The following TINAG variants were observed in gnomAD, a reference collection of about 807,000 sequenced individuals.
TINAG encodes the protein tubulointerstitial nephritis antigen.
Under a neutral mutation model 72.7 loss-of-function variants are expected in TINAG, and 83 were observed. That is an observed-to-expected ratio of 1.14 (90% CI 0.96 to 1.37). TINAG has a LOEUF of 1.37. TINAG is among the 40% of genes most tolerant of loss of function. The pLI is 0.00. For synonymous variants in TINAG, 234 were observed against 189.9 expected (o/e 1.23, Z -1.91); for missense variants, 685 against 576.6 (o/e 1.19, Z -1.93).
chr6:54,378,323 G>A (rs1191575591), intron 9 of TINAG, among the ~76,000 whole-genome samples: 9 of 152,092 alleles, frequency 5.9e-5, no homozygotes, highest in African/African-American at 1.9e-4. Context: ...CAATGACTTG[G>A]ATAATTGGTT....
chr6:54,368,715 C>A lies in TINAG; in HGVS notation c.1251-11811C>A, dbSNP rs994027115. On this transcript the variant is annotated intron_variant, in intron 9 of 10. Coordinates refer to ENST00000259782, the MANE Select transcript of TINAG (RefSeq NM_014464.4). ...TTCTCAATATTTATGTAGTTATTTTCTTGTTTATTTTTCCAAGTGAGATTA... is the reference window on the plus strand; with the variant it reads ...TTCTCAATATTTATGTAGTTATTTTATTGTTTATTTTTCCAAGTGAGATTA... 4.0e-5 allele frequency among the ~76,000 whole-genome samples: 6 copies of A among 151,490 alleles called. No homozygotes were observed. In the East Asian group the frequency reaches 1.2e-3, roughly 29 times the overall value.
intron 1 of TINAG, among the ~76,000 whole-genome samples, chr6:54,316,271 C>T (rs1784370711): frequency 6.6e-6 from 1 of 152,122 alleles, no homozygotes; most frequent in South Asian, 2.1e-4. Context: ...TTAAGAGATA[C>T]ATCTAAGCTA....
At chr6:54,346,969 A>C (rs1785138065) in intron 5 of TINAG, among the ~76,000 whole-genome samples, 1 of 152,122 alleles carries the variant, frequency 6.6e-6, no homozygotes, top group Non-Finnish European at 1.5e-5. Context: ...TCATTTAGAA[A>C]ATATGTATTT....
At chr6:54,315,084 T>C (rs1356383919) in intron 1 of TINAG, among the ~76,000 whole-genome samples, 1 of 152,196 alleles carries the variant, frequency 6.6e-6, no homozygotes, top group Non-Finnish European at 1.5e-5. Context: ...ATGTATATTA[T>C]TTATGCTATT....
intron 6 of TINAG, 141 bp downstream of exon 6, chr6:54,347,658 A>G (rs1785159066): frequency 5.8e-6 from 5 of 861,498 alleles, no homozygotes; most frequent in Non-Finnish European, 6.8e-6. Context: ...AATATGCTAC[A>G]TTTAAATGTA....
At chr6:54,327,355 G>A (rs1784631774) in intron 4 of TINAG, 2 of 499,746 alleles carry the variant, frequency 4.0e-6, no homozygotes, top group Non-Finnish European at 6.4e-6. Context: ...AGGAGGCTGG[G>A]AACTCCCTCC....
At chr6:54,379,376 C>T (rs1474634984) in intron 9 of TINAG, among the ~76,000 whole-genome samples, 3 of 152,094 alleles carry the variant, frequency 2.0e-5, no homozygotes, top group Non-Finnish European at 2.9e-5. Context: ...ATACCTACCT[C>T]GCTGGATTTA....
chr6:54,361,855 A>C (rs547348954), intron 9 of TINAG, among the ~76,000 whole-genome samples: 4 of 151,860 alleles, frequency 2.6e-5, no homozygotes, highest in Admixed American at 2.6e-4. Context: ...GCTGAAATAG[A>C]AAAAGTTTTA....
At chr6:54,388,490 C>G (rs767044926) in intron 10 of TINAG, among the ~76,000 whole-genome samples, 77 of 152,282 alleles carry the variant, frequency 5.1e-4, no homozygotes, top group Non-Finnish European at 9.3e-4. Flanking sequence ...ATCTGCCCCT[C>G]TCTTACATTG....
At chr6:54,345,487 A>C (rs1452133456) in intron 5 of TINAG, among the ~76,000 whole-genome samples, 2 of 152,142 alleles carry the variant, frequency 1.3e-5, no homozygotes, top group African/African-American at 4.8e-5. Flanking sequence ...AATCCTGGAG[A>C]CCAGGCTTCC....
At chr6:54,355,135 G>T (rs1275340706) in intron 9 of TINAG, among the ~76,000 whole-genome samples, 1 of 151,846 alleles carries the variant, frequency 6.6e-6, no homozygotes, top group African/African-American at 2.4e-5. Context: ...AAAGAAAGAA[G>T]TTCAAAATTT....
At chr6:54,357,684 C>T (rs1763096638) in intron 9 of TINAG, among the ~76,000 whole-genome samples, 1 of 151,904 alleles carries the variant, frequency 6.6e-6, no homozygotes, top group Admixed American at 6.6e-5. Context: ...ATCCAGAACT[C>T]AACCACTGTT....
chr6:54,345,463 GA>G (rs1403181825), intron 5 of TINAG, among the ~76,000 whole-genome samples: 1 of 152,104 alleles, frequency 6.6e-6, no homozygotes, highest in African/African-American at 2.4e-5. Flanking sequence ...CAAAAGATGA[GA>G]AATATCAGAA....
At chr6:54,373,216 A>G (rs1010736964) in intron 9 of TINAG, among the ~76,000 whole-genome samples, 1 of 152,030 alleles carries the variant, frequency 6.6e-6, no homozygotes, top group Non-Finnish European at 1.5e-5. Flanking sequence ...TCCATTTAAT[A>G]TATCTTGTTC....
chr6:54,332,274 A>C (rs531613026), intron 4 of TINAG, among the ~76,000 whole-genome samples: 18 of 152,302 alleles, frequency 1.2e-4, no homozygotes, highest in African/African-American at 4.1e-4. Context: ...ACATATATAC[A>C]GACAAATGGA....
chr6:54,382,411 C>T (rs1384998224), intron 10 of TINAG, among the ~76,000 whole-genome samples: 2 of 151,918 alleles, frequency 1.3e-5, no homozygotes, highest in East Asian at 3.9e-4. Context: ...ATTGAATGAG[C>T]AAATGAATAA....
At chr6:54,368,653 A>G (rs914666013) in intron 9 of TINAG, among the ~76,000 whole-genome samples, 27 of 151,510 alleles carry the variant, frequency 1.8e-4, no homozygotes, top group African/African-American at 6.3e-4. Context: ...TAGTTTTACT[A>G]CCAGGTATTG....
intron 10 of TINAG, among the ~76,000 whole-genome samples, chr6:54,385,149 T>C (rs888615392): frequency 2.0e-5 from 3 of 151,230 alleles, no homozygotes; most frequent in African/African-American, 7.3e-5. Flanking sequence ...ATGAAAGAAA[T>C]AATAAACAGA....
chr6:54,329,410 A>T (rs1252930917), intron 4 of TINAG, among the ~76,000 whole-genome samples: 1 of 152,224 alleles, frequency 6.6e-6, no homozygotes, highest in Non-Finnish European at 1.5e-5. Context: ...AATCCTTTAC[A>T]GACAAGCAAA....
Sources: gnomAD v4.1 joint callset for allele counts (sites outside exome capture counted in the v4.1 genomes callset) on GRCh38, gnomAD v4.1.1 for gene constraint, MANE v1.5 for transcripts, NCBI Gene and HGNC (gene_info 2026-07-23, HGNC 2026-07-21) for gene names.